The following INIP variants were observed in gnomAD, a reference collection of about 807,000 sequenced individuals.
INIP encodes SOSS complex subunit C.
In INIP, 9 loss-of-function variants were observed where a neutral mutation model predicts 14.0. The ratio of observed to expected loss-of-function variants is 0.64; its 90% CI spans 0.39 to 1.12. The LOEUF is 1.12. Ranked by LOEUF, INIP falls within the 50% of genes most tolerant of loss-of-function variation. The pLI is 0.01. For synonymous variants in INIP, 37 were observed against 41.5 expected, an observed-to-expected ratio of 0.89 and a Z score of 0.41; for missense variants, 78 against 122.7, an observed-to-expected ratio of 0.64 and a Z score of 1.72.
At chr9:112,698,655 T>C (rs1283917592) in intron 2 of INIP, among the ~76,000 whole-genome samples, 1 of 152,212 alleles carries the variant, frequency 6.6e-6, no homozygotes, top group African/African-American at 2.4e-5. Flanking sequence ...TATAAAAGTG[T>C]ACCCCAACCC....
intron 3 of INIP, among the ~76,000 whole-genome samples, chr9:112,691,135 A>G (rs995540406): frequency 6.6e-6 from 1 of 152,254 alleles, no homozygotes. Flanking sequence ...TGAAGCAGTT[A>G]TAATAATTGA....
chr9:112,689,741 T>C, intron 3 of INIP, 124 bp from the exon 4 acceptor site: 1 of 661,652 alleles, frequency 1.5e-6, no homozygotes, highest in Non-Finnish European at 2.7e-6. Context: ...TGCATATACT[T>C]CCAGTGTACA....
rs535366045 is a variant in INIP, at chr9:112,700,524, A to T, written c.26-6291T>A. Among the ~76,000 whole-genome samples the T allele has an allele frequency of 3.3e-3, 448 of 137,112 alleles. 2 individuals are homozygous for T. The highest frequency in any genetic ancestry group is 0.012 in the African/African-American group (418 of 33,524). 90.0% of individuals were successfully genotyped at this position (137,112 alleles called of 152,430 possible). ...AAAGACTTATAAATTAGGTATATATAATATATATATATATTATATATACCT... is the reference window on the plus strand; with the variant it reads ...AAAGACTTATAAATTAGGTATATATTATATATATATATATTATATATACCT... On this transcript the variant is annotated intron_variant, in intron 2 of 4. Coordinates refer to ENST00000374242, the MANE Select transcript of INIP (RefSeq NM_021218.3).
Position 112,714,904 on chromosome 9 carries a change from T to C in INIP, c.25+1557A>G, listed in dbSNP as rs892386849. On this transcript the variant is annotated intron_variant, in intron 2 of 4. Transcript: ENST00000374242. ...CTACTACACAACCTAGGCTGTACGG[T>C]ACAGTCTGTTGCTCCAAGGCTACAA... Among the ~76,000 whole-genome samples, 6 of 152,250 alleles carry C rather than the reference T, an allele frequency of 3.9e-5. No homozygotes were observed. The East Asian group carries it at 7.7e-4, about 20-fold the overall frequency.
At chr9:112,711,100 T>G (rs867341553) in intron 2 of INIP, among the ~76,000 whole-genome samples, 1 of 150,632 alleles carries the variant, frequency 6.6e-6, no homozygotes, top group African/African-American at 2.4e-5. Context: ...AGCTCAGGAG[T>G]TGGAGGCTGC....
In INIP at chr9:112,701,901, T is replaced by G. The variant is rs55935423; in HGVS notation, c.26-7668A>C. On this transcript the variant is annotated intron_variant, in intron 2 of 4. Transcript: ENST00000374242. ...CTTGTCTGTACAAAAAAAAAAAAAA[T>G]TTTTTTAATTTAGCAGGGCATGATG... is the stretch of plus-strand genomic sequence containing the variant. 34 of 150,122 alleles carry G rather than the reference T, an allele frequency of 2.3e-4. No homozygotes were observed. The South Asian group carries it at 6.9e-3, about 30-fold the overall frequency. 9.3% of individuals were successfully genotyped at this position (150,122 alleles called of 1,614,324 possible).
At chr9:112,691,000 C>T (rs1837866460) in intron 3 of INIP, among the ~76,000 whole-genome samples, 1 of 152,244 alleles carries the variant, frequency 6.6e-6, no homozygotes, top group Admixed American at 6.5e-5. Context: ...TATCTTCACA[C>T]TCTTGGTTAA....
chr9:112,715,415 C>A (rs1838779864), intron 2 of INIP, among the ~76,000 whole-genome samples: 1 of 150,298 alleles, frequency 6.7e-6, no homozygotes, highest in Non-Finnish European at 1.5e-5. Context: ...CTTACTGTAA[C>A]TTTACTTTAT....
chr9:112,715,175 C>T (rs1838770455), intron 2 of INIP, among the ~76,000 whole-genome samples: 2 of 134,942 alleles, frequency 1.5e-5, no homozygotes. Flanking sequence ...CACACACACA[C>T]ACACGGTTTA....
At chr9:112,700,866 T>A (rs1382462311) in intron 2 of INIP, among the ~76,000 whole-genome samples, 2 of 151,894 alleles carry the variant, frequency 1.3e-5, no homozygotes, top group African/African-American at 4.8e-5. Flanking sequence ...TTAATATAGT[T>A]CCTGGCCAAG....
At chr9:112,710,758 A>T (rs2077751) in intron 2 of INIP, among the ~76,000 whole-genome samples, 10,552 of 151,600 alleles carry the variant, frequency 0.07, 473 homozygotes, top group South Asian at 0.11. Flanking sequence ...ACACATAAAG[A>T]TTTTTTTTAA....
intron 2 of INIP, among the ~76,000 whole-genome samples, chr9:112,704,157 C>A (rs1273500737): frequency 6.6e-6 from 1 of 152,012 alleles, no homozygotes; most frequent in East Asian, 1.9e-4. Context: ...GGTCACATAC[C>A]AAAAACAAGA....
chr9:112,688,057 G>A (rs1047115570), intron 4 of INIP, among the ~76,000 whole-genome samples: 1 of 151,956 alleles, frequency 6.6e-6, no homozygotes, highest in Non-Finnish European at 1.5e-5. Context: ...CTGCACTCCA[G>A]CCTGGGCGAC....
intron 2 of INIP, among the ~76,000 whole-genome samples, chr9:112,696,176 G>A (rs1838087759): frequency 6.6e-6 from 1 of 152,132 alleles, no homozygotes; most frequent in Non-Finnish European, 1.5e-5. Context: ...GCAGGTGTGA[G>A]CAACTGAGCT....
chr9:112,690,566 C>T (rs1325390804), intron 3 of INIP, among the ~76,000 whole-genome samples: 1 of 152,222 alleles, frequency 6.6e-6, no homozygotes, highest in African/African-American at 2.4e-5. Context: ...TTGTTTGTCT[C>T]CTTTCCTCCT....
chr9:112,688,808 A>C (rs1464111471), intron 4 of INIP, among the ~76,000 whole-genome samples: 2 of 152,174 alleles, frequency 1.3e-5, no homozygotes, highest in Non-Finnish European at 2.9e-5. Context: ...GCACCATTGC[A>C]CTCCAGCCTG....
In INIP at chr9:112,716,437, TAAAG is replaced by T. The variant is rs1187255472; in HGVS notation, c.25+20_25+23del. ...TACTATATTGGGGAAATGTTCATAG[TAAAG>T]AAATTCCTGCTGTCATTACCTTGTC... On this transcript the variant is annotated intron_variant, in intron 2 of 4. Coordinates refer to ENST00000374242, the MANE Select transcript of INIP (RefSeq NM_021218.3). The T allele has an allele frequency of 1.2e-6, 2 of 1,607,720 alleles. No individual in the cohort carries two copies. The highest frequency in any genetic ancestry group is 2.7e-5 in the African/African-American group (2 of 74,818).
chr9:112,688,211 C>G (rs1349158178), intron 4 of INIP, among the ~76,000 whole-genome samples: 1 of 152,106 alleles, frequency 6.6e-6, no homozygotes, highest in Non-Finnish European at 1.5e-5. Context: ...ACCAAGTACT[C>G]ATTTATCATC....
At chr9:112,709,274 A>G (rs146824016) in intron 2 of INIP, among the ~76,000 whole-genome samples, 12 of 152,250 alleles carry the variant, frequency 7.9e-5, no homozygotes, top group African/African-American at 2.6e-4. Flanking sequence ...ATTAATCCCA[A>G]TAAAGATCAA....
Sources: gnomAD v4.1 joint callset for allele counts (sites outside exome capture counted in the v4.1 genomes callset) on GRCh38, gnomAD v4.1.1 for gene constraint, MANE v1.5 for transcripts, NCBI Gene and HGNC (gene_info 2026-07-23, HGNC 2026-07-21) for gene names.